Variants in TRPC4AP observed in about 807,000 individuals in gnomAD.
TRPC4AP encodes short transient receptor potential channel 4-associated protein.
Under a neutral mutation model 99.0 loss-of-function variants are expected in TRPC4AP, and 45 were observed. The ratio of observed to expected loss-of-function variants is 0.45; its 90% CI spans 0.36 to 0.58. TRPC4AP has a LOEUF of 0.58. Ranked by LOEUF, TRPC4AP falls within the 20% of genes least tolerant of loss-of-function variation. The probability of loss-of-function intolerance (pLI) is 0.00; values close to 1 mark genes in which losing one functional copy is unlikely to be tolerated. For synonymous variants in TRPC4AP, 408 were observed against 385.8 expected, an observed-to-expected ratio of 1.06 and a Z score of -0.67; for missense variants, 879 against 985.3, an observed-to-expected ratio of 0.89 and a Z score of 1.44.
chr20:35,059,521 G>A (rs1600615559), intron 3 of TRPC4AP, among the ~76,000 whole-genome samples: 1 of 152,124 alleles, frequency 6.6e-6, no homozygotes, highest in Non-Finnish European at 1.5e-5. Context: ...TTAGCTGGGC[G>A]TGGTGGTACG....
At chr20:35,040,535 T>G (rs1186557272) in intron 7 of TRPC4AP, among the ~76,000 whole-genome samples, 1 of 152,186 alleles carries the variant, frequency 6.6e-6, no homozygotes, top group African/African-American at 2.4e-5. Flanking sequence ...GTTCTAAGTT[T>G]TCCGGACTTG....
Position 35,044,763 on chromosome 20 carries a change from T to C in TRPC4AP, c.658-51A>G, listed in dbSNP as rs183141782. 1,263 of 1,574,492 alleles carry C rather than the reference T, an allele frequency of 8.0e-4. 2 individuals are homozygous for C. Among genetic ancestry groups the C allele is most frequent in the Non-Finnish European group, 1.0e-3 (1,198 of 1,146,808 alleles). On this transcript the variant is annotated intron_variant, in intron 6 of 18. Coordinates refer to ENST00000252015, the MANE Select transcript of TRPC4AP (RefSeq NM_015638.3). ...CCCCATGCTCAATTCACTCAAGAGA[T>C]TGGATGTGCCTCTCTTTCGCATCCC...
chr20:35,052,123 G>A (rs950539400), intron 5 of TRPC4AP, among the ~76,000 whole-genome samples: 6 of 148,894 alleles, frequency 4.0e-5, no homozygotes, highest in Non-Finnish European at 8.9e-5. Flanking sequence ...TGGAGACAGG[G>A]TCTCACTCTA....
At chr20:35,025,402 G>A (rs1313398353) in intron 8 of TRPC4AP, among the ~76,000 whole-genome samples, 1 of 152,076 alleles carries the variant, frequency 6.6e-6, no homozygotes, top group Non-Finnish European at 1.5e-5. Context: ...GTTTGAGCTG[G>A]TCTTGAACAA....
At chr20:35,068,592 G>A (rs1042247841) in intron 3 of TRPC4AP, among the ~76,000 whole-genome samples, 1 of 151,986 alleles carries the variant, frequency 6.6e-6, no homozygotes, top group Non-Finnish European at 1.5e-5. Context: ...TATGATCTTG[G>A]CTCACGGCAA....
intron 6 of TRPC4AP, among the ~76,000 whole-genome samples, chr20:35,048,960 G>A (rs972616676): frequency 1.3e-5 from 2 of 152,158 alleles, no homozygotes; most frequent in Non-Finnish European, 2.9e-5. Flanking sequence ...CAAGGCCTGG[G>A]GAAAGCACAG....
chr20:35,060,609 A>C (rs965173797), intron 3 of TRPC4AP, among the ~76,000 whole-genome samples: 1 of 136,244 alleles, frequency 7.3e-6, no homozygotes, highest in Non-Finnish European at 1.6e-5. Context: ...AAAAAAAAAA[A>C]ACAAGAAAAG....
intron 10 of TRPC4AP, among the ~76,000 whole-genome samples, chr20:35,015,708 TG>T: frequency 6.6e-6 from 1 of 152,134 alleles, no homozygotes; most frequent in South Asian, 2.1e-4. Context: ...CAGGCTGGTC[TG>T]TAACTCTTGA....
chr20:35,086,960 G>A lies in TRPC4AP; in HGVS notation c.168+5654C>T, dbSNP rs192112138. Among the ~76,000 whole-genome samples the A allele has an allele frequency of 7.2e-3, 1,089 of 151,854 alleles. 7 individuals carry two copies. Among genetic ancestry groups the A allele is most frequent in the African/African-American group, 0.025 (1,032 of 41,354 alleles). Reference sequence around the variant, plus strand: ...AGGCAGGGGAATCGCTTGAACCCGGGAAGCGGAGGTTGCAGTGAGCCGAGA... The same window carrying A: ...AGGCAGGGGAATCGCTTGAACCCGGAAAGCGGAGGTTGCAGTGAGCCGAGA... On this transcript the variant is annotated intron_variant, in intron 1 of 18. Transcript: ENST00000252015.
intron 9 of TRPC4AP, among the ~76,000 whole-genome samples, chr20:35,019,834 G>A (rs1324272784): frequency 1.3e-5 from 2 of 152,044 alleles, no homozygotes; most frequent in Non-Finnish European, 2.9e-5. Context: ...CATATGCTGA[G>A]GACTCCCAAA....
At chr20:35,048,200 T>A (rs557637712) in intron 6 of TRPC4AP, among the ~76,000 whole-genome samples, 2 of 147,682 alleles carry the variant, frequency 1.4e-5, no homozygotes, top group Admixed American at 1.4e-4. Context: ...CATGCTGATT[T>A]GTAAGAATTC....
At chr20:35,038,054 C>A (rs1272369604) in intron 7 of TRPC4AP, among the ~76,000 whole-genome samples, 1 of 150,868 alleles carries the variant, frequency 6.6e-6, no homozygotes, top group Admixed American at 6.6e-5. Flanking sequence ...ATGGTGGTTG[C>A]CAGCAGTTGG....
chr20:35,041,118 C>T (rs1401697033), intron 7 of TRPC4AP, among the ~76,000 whole-genome samples: 2 of 125,278 alleles, frequency 1.6e-5, no homozygotes, highest in Admixed American at 2.0e-4. Context: ...GGACTTCTAG[C>T]CTCCAGAACT....
At chr20:35,041,592 G>A (rs1325612431) in intron 7 of TRPC4AP, among the ~76,000 whole-genome samples, 2 of 152,174 alleles carry the variant, frequency 1.3e-5, no homozygotes, top group African/African-American at 4.8e-5. Context: ...TCCGTTCTCA[G>A]TTAATCAAAA....
At chr20:35,030,529 T>C (rs2083164223) in intron 8 of TRPC4AP, 1 of 152,230 alleles carries the variant, frequency 6.6e-6, no homozygotes, top group Non-Finnish European at 1.5e-5. Flanking sequence ...CTTGTTCTAA[T>C]TGTTACTTTA....
At chr20:35,040,690 G>A (rs1276621892) in intron 7 of TRPC4AP, among the ~76,000 whole-genome samples, 1 of 152,126 alleles carries the variant, frequency 6.6e-6, no homozygotes, top group Non-Finnish European at 1.5e-5. Flanking sequence ...TGCAACCTCT[G>A]CCTCCTGGGT....
Position 35,033,143 on chromosome 20 carries a change from G to A in TRPC4AP, c.1051+1980C>T, listed in dbSNP as rs530052206. On this transcript the variant is annotated intron_variant, in intron 8 of 18. Coordinates refer to ENST00000252015, the MANE Select transcript of TRPC4AP (RefSeq NM_015638.3). ...TGGGAGACAGAGGTTGCAGTGAGCC[G>A]AGATTGTGCCACTGCCCTCCAACCT... Among the ~76,000 whole-genome samples, 37 of 152,254 alleles carry A rather than the reference G, an allele frequency of 2.4e-4. No homozygotes were observed. In the South Asian group the frequency reaches 6.6e-3, roughly 27 times the overall value.
At position 35,005,740 on chromosome 20, in the gene TRPC4AP, C is replaced by A. The variant is rs943927644; in HGVS notation, c.1891G>T (p.Val631Phe). 3 of 1,614,106 alleles carry A rather than the reference C, an allele frequency of 1.9e-6. No homozygotes were observed. The highest frequency in any genetic ancestry group is 2.5e-6 in the Non-Finnish European group (3 of 1,180,038). ...LVDSNMLVRCVTLSLDRFENQ... is the reference protein window; with the variant it reads ...LVDSNMLVRCFTLSLDRFENQ... ...TCAAATCGGTCCAGGGACAGAGTGA[C>A]ACAGCGCACCAGCATGTTGGAGTCC... is the stretch of plus-strand genomic sequence containing the variant. Residue 631 changes from valine (V) to phenylalanine (F), a missense_variant, in exon 16 of 19, where the codon GTC becomes TTC. This residue lies in a region of TRPC4AP where 224 missense variants were observed against 264.7 expected (regional missense o/e 0.85). Transcript: ENST00000252015.
At chr20:35,049,486 G>A (rs889890828) in intron 6 of TRPC4AP, among the ~76,000 whole-genome samples, 2 of 62,450 alleles carry the variant, frequency 3.2e-5, no homozygotes, top group African/African-American at 5.1e-5. Flanking sequence ...TTCAGATAGC[G>A]GTAAAGTGGT....
Sources: gnomAD v4.1 joint callset for allele counts (sites outside exome capture counted in the v4.1 genomes callset) on GRCh38, gnomAD v4.1.1 for gene constraint, gnomAD v4.1.1 regional missense constraint, MANE v1.5 for transcripts, NCBI Gene and HGNC (gene_info 2026-07-23, HGNC 2026-07-21) for gene names.